The following SOS1 variants were observed in gnomAD, a reference collection of about 807,000 sequenced individuals.
SOS1 encodes the protein son of sevenless homolog 1.
SOS1 carries 25 observed loss-of-function variants against 157.6 expected under a neutral mutation model. That is an observed-to-expected ratio of 0.16 (90% CI 0.12 to 0.22). The LOEUF (loss-of-function observed/expected upper bound fraction) is 0.22. Among genes scored for constraint, SOS1 ranks in the 10% least tolerant of loss-of-function variants. SOS1 has a pLI of 1.00. For missense variants in SOS1, 1,237 were observed against 1,599.1 expected (o/e 0.77, Z 3.86); for synonymous variants, 528 against 534.0 (o/e 0.99, Z 0.16).
chr2:39,082,051 C>A (rs1030339990), intron 1 of SOS1, among the ~76,000 whole-genome samples: 4 of 152,090 alleles, frequency 2.6e-5, no homozygotes, highest in African/African-American at 9.7e-5. Context: ...CTTTGTGTTA[C>A]AAACAATCCA....
intron 8 of SOS1, among the ~76,000 whole-genome samples, chr2:39,028,847 G>T (rs1308181210): frequency 6.6e-6 from 1 of 152,148 alleles, no homozygotes; most frequent in Non-Finnish European, 1.5e-5. Context: ...CACAAGCAAA[G>T]ATTAGGTTCA....
At chr2:39,105,386 G>A (rs890800619) in intron 1 of SOS1, among the ~76,000 whole-genome samples, 1 of 151,286 alleles carries the variant, frequency 6.6e-6, no homozygotes, top group Admixed American at 6.6e-5. Context: ...TAAAGTGCTG[G>A]GATTACAGCT....
chr2:39,010,896 C>CTTT (rs72504369), intron 14 of SOS1, among the ~76,000 whole-genome samples, 193 bp from the exon 15 acceptor site: 1 of 132,920 alleles, frequency 7.5e-6, no homozygotes, highest in African/African-American at 3.3e-5. Flanking sequence ...TTTTTTTAAA[C>CTTT]TTTTTTTTTT....
At chr2:39,111,216 G>C (rs1006452060) in intron 1 of SOS1, among the ~76,000 whole-genome samples, 1 of 152,138 alleles carries the variant, frequency 6.6e-6, no homozygotes, top group African/African-American at 2.4e-5. Flanking sequence ...CTGGGAGACA[G>C]AGCAAGACTC....
intron 1 of SOS1, among the ~76,000 whole-genome samples, chr2:39,077,962 G>A (rs886396441): frequency 6.6e-6 from 1 of 152,242 alleles, no homozygotes; most frequent in African/African-American, 2.4e-5. Context: ...ATTTCATTAA[G>A]AACTACTGCT....
At position 39,113,357 on chromosome 2, in the gene SOS1, CT is replaced by C. The variant is rs573347245; in HGVS notation, c.87+6978del. On this transcript the variant is annotated intron_variant, in intron 1 of 22. Transcript: ENST00000402219. The stretch of plus-strand genomic sequence containing the variant: ...AGGCATGTACCACCATACCTGTCTT[CT>C]TTTTTTTTTTTTTTTCCCTTGTAGA... 3.5e-3 allele frequency among the ~76,000 whole-genome samples: 475 copies of C among 137,296 alleles called. 1 individual carries two copies. Among genetic ancestry groups the C allele is most frequent in the South Asian group, 7.5e-3 (32 of 4,248 alleles). The allele number at this position is 137,296 out of a possible 152,430, so 90.1% of individuals were successfully genotyped here. A position where few individuals can be genotyped will look rare whatever the true frequency, so the allele number is the denominator to read the frequency against.
intron 1 of SOS1, among the ~76,000 whole-genome samples, chr2:39,081,926 T>C (rs1166552298): frequency 1.3e-5 from 2 of 152,222 alleles, no homozygotes; most frequent in African/African-American, 4.8e-5. Flanking sequence ...AAAAAAAATT[T>C]TGTGGGTACA....
intron 1 of SOS1, among the ~76,000 whole-genome samples, chr2:39,082,423 TC>T (rs1375283446): frequency 1.2e-4 from 19 of 152,134 alleles, no homozygotes; most frequent in Admixed American, 3.3e-4. Context: ...CTTTTCCTTT[TC>T]CTCTACATTT....
At chr2:39,107,377 G>T (rs1673233583) in intron 1 of SOS1, among the ~76,000 whole-genome samples, 1 of 152,102 alleles carries the variant, frequency 6.6e-6, no homozygotes, top group Non-Finnish European at 1.5e-5. Context: ...TTTTCCAACA[G>T]GCACCTTTCA....
chr2:39,115,663 C>G (rs1232650448), intron 1 of SOS1, among the ~76,000 whole-genome samples: 1 of 152,102 alleles, frequency 6.6e-6, no homozygotes, highest in African/African-American at 2.4e-5. Context: ...GCCTGGAACT[C>G]TTGGGCTCAA....
chr2:39,029,755 T>C (rs930243552), intron 8 of SOS1, among the ~76,000 whole-genome samples: 4 of 152,362 alleles, frequency 2.6e-5, no homozygotes, highest in African/African-American at 9.6e-5. Context: ...TGTTTAACTT[T>C]AGACATTCAA....
At chr2:39,063,944 C>G (rs1015258034) in intron 2 of SOS1, among the ~76,000 whole-genome samples, 12 of 152,170 alleles carry the variant, frequency 7.9e-5, no homozygotes, top group Admixed American at 6.5e-4. Flanking sequence ...GCGATCCTCC[C>G]ACCTCAACCT....
chr2:39,013,812 A>G, intron 12 of SOS1, 55 bp downstream of exon 12: 3 of 1,522,150 alleles, frequency 2.0e-6, no homozygotes, highest in Non-Finnish European at 2.7e-6. Context: ...ATATACTTCA[A>G]CATTGAAACG....
At chr2:38,991,248 A>G (rs1668725211) in intron 20 of SOS1, among the ~76,000 whole-genome samples, 1 of 152,112 alleles carries the variant, frequency 6.6e-6, no homozygotes, top group South Asian at 2.1e-4. Context: ...GATATGATAG[A>G]TAACTTCTTA....
chr2:39,050,905 TGTAATAC>T (rs1670991847), intron 6 of SOS1, among the ~76,000 whole-genome samples: 1 of 152,174 alleles, frequency 6.6e-6, no homozygotes, highest in South Asian at 2.1e-4. Flanking sequence ...GGGTGACAGC[TGTAATAC>T]CTCCCCCCTT....
At chr2:39,104,419 G>A (rs1453076670) in intron 1 of SOS1, among the ~76,000 whole-genome samples, 3 of 152,110 alleles carry the variant, frequency 2.0e-5, no homozygotes, top group Non-Finnish European at 2.9e-5. Flanking sequence ...CAAACCAAAA[G>A]GACACCAACT....
intron 8 of SOS1, among the ~76,000 whole-genome samples, chr2:39,034,339 G>C (rs1670269330): frequency 6.6e-6 from 1 of 152,180 alleles, no homozygotes; most frequent in Admixed American, 6.5e-5. Context: ...ATTCATTACA[G>C]AGAGCCCATT....
chr2:39,009,316 A>G (rs79814504), intron 15 of SOS1, among the ~76,000 whole-genome samples: 1,931 of 152,230 alleles, frequency 0.013, 59 homozygotes, highest in African/African-American at 0.044. Flanking sequence ...TAAAATAAAG[A>G]TTTTCCCAGA....
chr2:39,014,899 A>G, intron 10 of SOS1, 53 bp from the exon 11 acceptor site: 1 of 974,074 alleles, frequency 1.0e-6, no homozygotes, highest in Non-Finnish European at 1.7e-6. Flanking sequence ...CAAAATGATT[A>G]AAACTGTTAT....
Sources: gnomAD v4.1 joint callset for allele counts (sites outside exome capture counted in the v4.1 genomes callset) on GRCh38, gnomAD v4.1.1 for gene constraint, MANE v1.5 for transcripts, NCBI Gene and HGNC (gene_info 2026-07-23, HGNC 2026-07-21) for gene names.